Variants in KLRG1 observed in about 807,000 individuals in gnomAD.
KLRG1 encodes the protein killer cell lectin-like receptor subfamily G member 1.
A neutral mutation model predicts 21.8 loss-of-function variants in KLRG1; 16 were observed. The ratio of observed to expected loss-of-function variants is 0.73; its 90% CI spans 0.50 to 1.11. KLRG1 has a LOEUF of 1.11. Among genes scored for constraint, KLRG1 ranks in the 50% most tolerant of loss-of-function variants. The pLI, the probability that KLRG1 is intolerant of heterozygous loss-of-function variation, is 0.00. For missense variants in KLRG1, 173 were observed against 218.3 expected (o/e 0.79, Z 1.31); for synonymous variants, 69 against 75.9 (o/e 0.91, Z 0.47).
chr12:9,145,562 G>A, the KLRG1 span, among the ~76,000 whole-genome samples: 1 of 151,966 alleles, frequency 6.6e-6, no homozygotes, highest in African/African-American at 2.4e-5. Context: ...ACTTTTAACT[G>A]GAAGTAAAAG....
At chr12:9,174,166 G>A in the KLRG1 span, among the ~76,000 whole-genome samples, 2 of 152,166 alleles carry the variant, frequency 1.3e-5, no homozygotes, top group Admixed American at 1.3e-4. Flanking sequence ...TGCAAGCTTG[G>A]CTCAACATAC....
intron 3 of KLRG1, among the ~76,000 whole-genome samples, chr12:9,000,694 G>T (rs1285102066): frequency 1.3e-5 from 2 of 152,194 alleles, no homozygotes. Context: ...GTTGTAGCAT[G>T]TATCAAAGTT....
chr12:9,041,677 T>C, the KLRG1 span, among the ~76,000 whole-genome samples: 1 of 152,146 alleles, frequency 6.6e-6, no homozygotes. Context: ...AGAGACCAGG[T>C]AGAGAGGACC....
the KLRG1 span, among the ~76,000 whole-genome samples, chr12:9,174,677 A>G: frequency 6.6e-6 from 1 of 152,232 alleles, no homozygotes; most frequent in African/African-American, 2.4e-5. Context: ...ACAGGCAAGC[A>G]GAGATCCAAA....
the KLRG1 span, chr12:9,028,973 C>T: frequency 1.3e-5 from 8 of 619,300 alleles, no homozygotes; most frequent in Non-Finnish European, 1.8e-5. Flanking sequence ...AGTCCGTGAG[C>T]GTTCCCCATT....
At chr12:8,998,462 G>T (rs935656816) in intron 3 of KLRG1, among the ~76,000 whole-genome samples, 1 of 152,108 alleles carries the variant, frequency 6.6e-6, no homozygotes, top group Non-Finnish European at 1.5e-5. Flanking sequence ...GCCATGGCAG[G>T]TGGATTGCTT....
chr12:9,171,346 A>C, the KLRG1 span, among the ~76,000 whole-genome samples: 11 of 152,210 alleles, frequency 7.2e-5, no homozygotes, highest in Non-Finnish European at 1.3e-4. Flanking sequence ...ACACAAATCT[A>C]ATTCAAAGGG....
the KLRG1 span, chr12:9,152,887 G>A: frequency 1.2e-6 from 2 of 1,614,118 alleles, no homozygotes; most frequent in Non-Finnish European, 1.7e-6. Flanking sequence ...TTGGGGCACA[G>A]TCTGCACTTT....
chr12:9,177,496 A>G, the KLRG1 span, among the ~76,000 whole-genome samples: 1 of 152,234 alleles, frequency 6.6e-6, no homozygotes, highest in Non-Finnish European at 1.5e-5. Flanking sequence ...CAGAAATTGC[A>G]TGTGATAATA....
chr12:9,114,590 C>T, the KLRG1 span, among the ~76,000 whole-genome samples: 1 of 151,660 alleles, frequency 6.6e-6, no homozygotes, highest in African/African-American at 2.4e-5. Context: ...ATTTCCATGC[C>T]AATTACCATA....
At chr12:9,026,851 CGT>C in the KLRG1 span, among the ~76,000 whole-genome samples, 1 of 151,570 alleles carries the variant, frequency 6.6e-6, no homozygotes, top group African/African-American at 2.4e-5. Context: ...TTAAAAAAAT[CGT>C]GTGTGTGTCT....
chr12:9,079,317 A>G, the KLRG1 span: 12 of 1,613,700 alleles, frequency 7.4e-6, no homozygotes, highest in South Asian at 8.8e-5. Flanking sequence ...TTGTAGTTCA[A>G]CTGTCTCTGG....
chr12:9,024,018 A>ATTTTTT, the KLRG1 span, among the ~76,000 whole-genome samples: 12 of 70,946 alleles, frequency 1.7e-4, 3 homozygotes, highest in Admixed American at 4.3e-4. Context: ...GAACACATGG[A>ATTTTTT]TTTTTTTTTT....
chr12:9,000,559 C>T (rs1322352104), intron 3 of KLRG1, among the ~76,000 whole-genome samples: 1 of 152,184 alleles, frequency 6.6e-6, no homozygotes, highest in Non-Finnish European at 1.5e-5. Flanking sequence ...ACCTCTTAAA[C>T]AATAACTCCC....
At chr12:9,077,613 C>T in the KLRG1 span, 9 of 1,558,406 alleles carry the variant, frequency 5.8e-6, no homozygotes, top group Non-Finnish European at 7.8e-6. Context: ...TGAGGCTTTC[C>T]CTTAGAATTT....
At chr12:9,126,381 A>G in the KLRG1 span, among the ~76,000 whole-genome samples, 1 of 152,226 alleles carries the variant, frequency 6.6e-6, no homozygotes, top group East Asian at 1.9e-4. Flanking sequence ...GTATGAAGCA[A>G]CTTTTCAAGT....
chr12:9,169,364 A>G, the KLRG1 span: 1 of 1,392,338 alleles, frequency 7.2e-7, no homozygotes. Flanking sequence ...TTATGAATAG[A>G]TACAGAGTTT....
chr12:8,997,058 C>T (rs1947153289), intron 3 of KLRG1, among the ~76,000 whole-genome samples: 1 of 152,176 alleles, frequency 6.6e-6, no homozygotes, highest in African/African-American at 2.4e-5. Flanking sequence ...ATTTCTGTTT[C>T]TCTGAGGAAC....
chr12:9,014,981 T>C (rs1346846201), downstream of KLRG1, among the ~76,000 whole-genome samples: 2 of 151,974 alleles, frequency 1.3e-5, no homozygotes, highest in African/African-American at 2.4e-5. Flanking sequence ...GCAAGCCTTA[T>C]GGTAACCTCA....
Sources: allele counts gnomAD v4.1 joint callset (sites outside exome capture counted in the v4.1 genomes callset), GRCh38; gene constraint gnomAD v4.1.1; transcripts MANE v1.5; gene names NCBI Gene and HGNC (gene_info 2026-07-23, HGNC 2026-07-21).